SLC2A9: variants seen among roughly 807,000 people sequenced by gnomAD.
SLC2A9 encodes solute carrier family 2 member 9.
In SLC2A9, 39 loss-of-function variants were observed where a neutral mutation model predicts 50.6. That is an observed-to-expected ratio of 0.77 (90% CI 0.60 to 1.01). The LOEUF (loss-of-function observed/expected upper bound fraction) is 1.01. Among genes scored for constraint, SLC2A9 ranks in the 50% least tolerant of loss-of-function variants. The pLI, the probability that SLC2A9 is intolerant of heterozygous loss-of-function variation, is 0.00. For missense variants in SLC2A9, 686 were observed against 677.6 expected, an observed-to-expected ratio of 1.01 and a Z score of -0.14; for synonymous variants, 324 against 276.9, an observed-to-expected ratio of 1.17 and a Z score of -1.69.
chr4:9,944,136 C>T (rs142574424), intron 5 of SLC2A9, among the ~76,000 whole-genome samples: 12 of 152,292 alleles, frequency 7.9e-5, no homozygotes, highest in African/African-American at 2.9e-4. Flanking sequence ...GCATGATCCA[C>T]CCAGGCTCAT....
intron 6 of SLC2A9, among the ~76,000 whole-genome samples, chr4:9,940,521 T>G (rs1266231021): frequency 6.6e-6 from 1 of 152,216 alleles, no homozygotes; most frequent in African/African-American, 2.4e-5. Context: ...GGCAGAATTT[T>G]GTGTATATGG....
At chr4:9,843,268 C>T (rs1265962343) in intron 10 of SLC2A9, among the ~76,000 whole-genome samples, 3 of 152,170 alleles carry the variant, frequency 2.0e-5, no homozygotes, top group African/African-American at 7.2e-5. Context: ...CCATCTATTC[C>T]TTAAGTGTTT....
chr4:9,844,740 C>A (rs912970684), intron 10 of SLC2A9, among the ~76,000 whole-genome samples: 4 of 152,202 alleles, frequency 2.6e-5, no homozygotes, highest in Middle Eastern at 6.3e-3. Flanking sequence ...CAGAGATAAA[C>A]CTGATATAAA....
At chr4:9,808,366 C>T (rs562882718) in intron 3 of SLC2A9, among the ~76,000 whole-genome samples, 2 of 152,134 alleles carry the variant, frequency 1.3e-5, no homozygotes, top group South Asian at 2.1e-4. Flanking sequence ...CTTGAAAGTG[C>T]GGGTTCTGCT....
chr4:9,967,240 C>A (rs1161414585), intron 5 of SLC2A9, among the ~76,000 whole-genome samples: 1 of 152,118 alleles, frequency 6.6e-6, no homozygotes, highest in East Asian at 1.9e-4. Context: ...TTGTTCACAA[C>A]ATCAGGTTGC....
chr4:9,831,552 T>C (rs1726146273), intron 11 of SLC2A9, among the ~76,000 whole-genome samples: 2 of 152,208 alleles, frequency 1.3e-5, no homozygotes, highest in African/African-American at 4.8e-5. Flanking sequence ...CACTGTTGTC[T>C]GTAAAAGGTA....
intron 5 of SLC2A9, among the ~76,000 whole-genome samples, chr4:9,955,009 A>G (rs1490571680): frequency 1.3e-5 from 2 of 152,190 alleles, no homozygotes. Context: ...TACCTGGTAT[A>G]TGGCCTTCCT....
intron 5 of SLC2A9, among the ~76,000 whole-genome samples, chr4:9,973,575 G>C (rs1332418500): frequency 6.6e-6 from 1 of 151,962 alleles, no homozygotes; most frequent in African/African-American, 2.4e-5. Flanking sequence ...CATGGATGAA[G>C]CTGGAAGCCA....
At position 10,017,113 on chromosome 4, in the gene SLC2A9, G is replaced by A. The variant is rs140334704; in HGVS notation, c.249+1862C>T. 5.2e-3 allele frequency among the ~76,000 whole-genome samples: 797 copies of A among 152,216 alleles called. 7 individuals carry two copies. Among genetic ancestry groups the A allele is most frequent in the Middle Eastern group, 0.02 (6 of 294 alleles). ...TCAGCTCAAATACCACCTCCTCCAG[G>A]CTGTCTTCCCTGATCCCCAGAGTTG... On this transcript the variant is annotated intron_variant, in intron 2 of 11. Coordinates refer to ENST00000264784, the MANE Select transcript of SLC2A9 (RefSeq NM_020041.3).
intron 2 of SLC2A9, among the ~76,000 whole-genome samples, chr4:10,012,139 T>C (rs1461184909): frequency 1.3e-5 from 2 of 152,230 alleles, no homozygotes; most frequent in Non-Finnish European, 2.9e-5. Flanking sequence ...AACCACGCAC[T>C]ATCTGGACCT....
chr4:9,970,485 C>T (rs1215364005), intron 5 of SLC2A9, among the ~76,000 whole-genome samples: 1 of 152,000 alleles, frequency 6.6e-6, no homozygotes, highest in East Asian at 1.9e-4. Context: ...CCAGGAGGGG[C>T]ACAGCCTGAA....
At chr4:9,994,816 G>A (rs569850947) in intron 3 of SLC2A9, among the ~76,000 whole-genome samples, 3 of 151,916 alleles carry the variant, frequency 2.0e-5, no homozygotes, top group South Asian at 2.1e-4. Context: ...TAAATGCCAC[G>A]GTCAGGTATA....
chr4:9,827,342 G>A (rs1577412822), intron 11 of SLC2A9, among the ~76,000 whole-genome samples: 1 of 152,324 alleles, frequency 6.6e-6, no homozygotes, highest in African/African-American at 2.4e-5. Context: ...TGGTCTCCCA[G>A]GTACTGGGAT....
At chr4:9,809,512 C>A (rs902607853) in intron 3 of SLC2A9, among the ~76,000 whole-genome samples, 4 of 152,122 alleles carry the variant, frequency 2.6e-5, no homozygotes, top group East Asian at 1.9e-4. Flanking sequence ...ATGGCCCGGG[C>A]ACAAGAGGAA....
downstream of SLC2A9, among the ~76,000 whole-genome samples, chr4:9,823,319 T>C (rs1724663818): frequency 6.6e-6 from 1 of 152,182 alleles, no homozygotes; most frequent in African/African-American, 2.4e-5. Flanking sequence ...CAGGGTGCTG[T>C]AAGCGGCTGG....
chr4:9,818,170 T>A (rs1577379815), intron 3 of SLC2A9, among the ~76,000 whole-genome samples: 1 of 152,138 alleles, frequency 6.6e-6, no homozygotes. Flanking sequence ...GCTGAGCGGG[T>A]GTCCTTTGCA....
intron 10 of SLC2A9, among the ~76,000 whole-genome samples, chr4:9,860,255 C>G (rs114467247): frequency 6.6e-6 from 1 of 152,140 alleles, no homozygotes; most frequent in Non-Finnish European, 1.5e-5. Context: ...TCCCTGCCTT[C>G]GAGGCTGTTG....
chr4:9,979,393 T>G (rs1164042577), intron 5 of SLC2A9, among the ~76,000 whole-genome samples: 1 of 152,160 alleles, frequency 6.6e-6, no homozygotes, highest in Non-Finnish European at 1.5e-5. Flanking sequence ...TGTGCACTGT[T>G]CGTGCCTAGA....
chr4:9,897,630 T>C, intron 8 of SLC2A9, among the ~76,000 whole-genome samples: 1 of 152,082 alleles, frequency 6.6e-6, no homozygotes, highest in East Asian at 1.9e-4. Context: ...CACAGGCCTG[T>C]AATCCCAGCA....
Sources: allele counts gnomAD v4.1 joint callset (sites outside exome capture counted in the v4.1 genomes callset), GRCh38; gene constraint gnomAD v4.1.1; transcripts MANE v1.5; gene names NCBI Gene and HGNC (gene_info 2026-07-23, HGNC 2026-07-21).